Variants in SYCP2 observed in about 807,000 individuals in gnomAD.
SYCP2 encodes the protein synaptonemal complex protein 2.
SYCP2 carries 55 observed loss-of-function variants against 211.3 expected under a neutral mutation model. The ratio of observed to expected loss-of-function variants is 0.26; its 90% confidence interval spans 0.21 to 0.33. The LOEUF is 0.33. SYCP2 is among the 10% of genes least tolerant of loss of function. The probability of loss-of-function intolerance (pLI) is 1.00; values close to 1 mark genes in which losing one functional copy is unlikely to be tolerated. For synonymous variants in SYCP2, 570 were observed against 555.2 expected, an observed-to-expected ratio of 1.03 and a Z score of -0.37; for missense variants, 1,731 against 1,752.0, an observed-to-expected ratio of 0.99 and a Z score of 0.21.
At chr20:59,906,498 T>C (rs541526426) in intron 15 of SYCP2, among the ~76,000 whole-genome samples, 1 of 152,192 alleles carries the variant, frequency 6.6e-6, no homozygotes, top group Admixed American at 6.5e-5. Context: ...CATATCTATA[T>C]GAAAAAATGA....
intron 10 of SYCP2, among the ~76,000 whole-genome samples, chr20:59,914,758 G>C (rs1046605809): frequency 1.3e-5 from 2 of 151,708 alleles, no homozygotes; most frequent in Non-Finnish European, 3.0e-5. Flanking sequence ...AAGAATATTA[G>C]ACACCCTAAT....
chr20:59,922,535 A>G (rs2060561323), intron 2 of SYCP2, 76 bp from the exon 3 acceptor site: 10 of 625,316 alleles, frequency 1.6e-5, no homozygotes, highest in Middle Eastern at 3.7e-4. Flanking sequence ...TCTTACACAC[A>G]TAAATATGCA....
intron 32 of SYCP2, 96 bp from the exon 33 acceptor site, chr20:59,877,651 T>TA: frequency 2.0e-6 from 2 of 987,538 alleles, no homozygotes; most frequent in Non-Finnish European, 3.0e-6. Context: ...AAGTTTTACA[T>TA]AAAATATTTG....
intron 20 of SYCP2, among the ~76,000 whole-genome samples, 178 bp from the exon 21 acceptor site, chr20:59,893,771 ACAAG>A (rs1213777819): frequency 1.2e-4 from 18 of 152,148 alleles, no homozygotes; most frequent in Middle Eastern, 3.4e-3. Flanking sequence ...ATCCTGAAAC[ACAAG>A]AAGAAAACTG....
At chr20:59,919,407 T>C in intron 6 of SYCP2, 86 bp downstream of exon 6, 2 of 1,034,072 alleles carry the variant, frequency 1.9e-6, no homozygotes, top group South Asian at 2.7e-5. Flanking sequence ...GTTAGTGACT[T>C]TTAGGCTCAG....
At chr20:59,924,623 T>G (rs925488919) in intron 2 of SYCP2, among the ~76,000 whole-genome samples, 2 of 151,948 alleles carry the variant, frequency 1.3e-5, no homozygotes, top group African/African-American at 4.8e-5. Context: ...AAGAAAAAAG[T>G]TGGATTGTCG....
chr20:59,865,576 G>T lies in SYCP2; in HGVS notation c.4455C>A (p.Ser1485=). 1.3e-6 allele frequency: 2 copies of T among 1,598,240 alleles called. No individual in the cohort carries two copies. The highest frequency in any genetic ancestry group is 1.1e-5 in the South Asian group (1 of 88,144). Residue 1485 remains serine (S), a synonymous_variant, in exon 43 of 45, where the codon TCC becomes TCA. Coordinates refer to ENST00000357552, the MANE Select transcript of SYCP2 (RefSeq NM_014258.4). ...NTDSEETVFT[S]EMCLMKEDMK... ...ATAAAAAGCATAAAATTTATACCTCGGATGTAAAAACAGTTTCTTCACTAT... is the reference window on the plus strand; with the variant it reads ...ATAAAAAGCATAAAATTTATACCTCTGATGTAAAAACAGTTTCTTCACTAT...
intron 20 of SYCP2, among the ~76,000 whole-genome samples, chr20:59,894,447 A>G (rs2059969018): frequency 6.6e-6 from 1 of 151,996 alleles, no homozygotes; most frequent in Admixed American, 6.6e-5. Flanking sequence ...TTTTCTTTTA[A>G]TATCTTCAAC....
intron 21 of SYCP2, among the ~76,000 whole-genome samples, 158 bp downstream of exon 21, chr20:59,893,366 A>G (rs928328486): frequency 6.6e-6 from 1 of 151,888 alleles, no homozygotes; most frequent in African/African-American, 2.4e-5. Context: ...AAGGTGGTAT[A>G]TTTCCTTGTA....
chr20:59,920,454 C>G lies in SYCP2; in HGVS notation c.202G>C (p.Ala68Pro). Residue 68 changes from alanine (A) to proline (P), a missense_variant, in exon 5 of 45, where the codon GCC (alanine) becomes CCC (proline). Ala to Pro is a conservative substitution (Grantham distance 27). Around this residue, in one of 3 missense-constraint regions of SYCP2, gnomAD observed 335 missense variants for 378.8 expected, o/e 0.88. Transcript: ENST00000357552. ...CATCTTCCAACAGAAACCAAAATGG[C>G]TGAAACATTGTGGATATCCTCTTTA... Reference protein sequence around the residue: ...LNKEDIHNVSAILVSVGRCGK... With the variant: ...LNKEDIHNVSPILVSVGRCGK... 6.2e-7 allele frequency: 1 copy of G among 1,606,886 alleles called. No homozygotes were observed. The highest frequency in any genetic ancestry group is 8.5e-7 in the Non-Finnish European group (1 of 1,175,272).
intron 14 of SYCP2, among the ~76,000 whole-genome samples, chr20:59,910,809 C>T (rs533731400): frequency 2.0e-5 from 3 of 151,130 alleles, no homozygotes; most frequent in Non-Finnish European, 4.4e-5. Context: ...AGTAGCTCCT[C>T]GAAAAAAAAT....
chr20:59,931,792 TACACACAC>T (rs145920091), intron 2 of SYCP2, among the ~76,000 whole-genome samples: 2 of 151,030 alleles, frequency 1.3e-5, no homozygotes, highest in African/African-American at 4.9e-5. Context: ...ATAATCAGGT[TACACACAC>T]ACACACACGC....
At chr20:59,887,425 CTT>C (rs2059813672) in intron 24 of SYCP2, among the ~76,000 whole-genome samples, 1 of 152,134 alleles carries the variant, frequency 6.6e-6, no homozygotes, top group South Asian at 2.1e-4. Flanking sequence ...GGTTCCAAGT[CTT>C]TGCTATCGTG....
Position 59,892,058 on chromosome 20 carries a change from T to G in SYCP2, c.2296A>C (p.Ser766Arg). 6.2e-7 allele frequency: 1 copy of G among 1,611,424 alleles called. No homozygotes were observed. Among genetic ancestry groups the G allele is most frequent in the East Asian group, 2.2e-5 (1 of 44,798 alleles). Residue 766 changes from serine (S) to arginine (R), a missense_variant, in exon 24 of 45, where the codon AGT becomes CGT. By Grantham distance (110) the Ser-to-Arg change is moderately radical. This residue lies in a region of SYCP2 where 1,387 missense variants were observed against 1,351.3 expected (regional missense o/e 1.03). Transcript: ENST00000357552. ...KNPSASKNVQ[S>R]HRKAEKELTS... is the part of the protein sequence containing the mutation. ...AATTCTTTCTCTGCTTTTCTATGACTTTGCACATTTTTGCTAGCAGATGGA... is the reference window on the plus strand; with the variant it reads ...AATTCTTTCTCTGCTTTTCTATGACGTTGCACATTTTTGCTAGCAGATGGA...
intron 43 of SYCP2, 37 bp from the exon 44 acceptor site, chr20:59,865,481 A>C: frequency 1.3e-6 from 2 of 1,593,652 alleles, no homozygotes; most frequent in Non-Finnish European, 1.7e-6. Flanking sequence ...CATGAAATTT[A>C]CCATAAAGTT....
chr20:59,882,250 C>T, intron 26 of SYCP2, 85 bp from the exon 27 acceptor site: 2 of 989,908 alleles, frequency 2.0e-6, no homozygotes, highest in Non-Finnish European at 3.1e-6. Flanking sequence ...AAATGCAAAT[C>T]AAAAAATGAG....
chr20:59,906,552 GATT>G (rs1181081943), intron 15 of SYCP2, among the ~76,000 whole-genome samples: 1 of 152,070 alleles, frequency 6.6e-6, no homozygotes, highest in Admixed American at 6.5e-5. Flanking sequence ...ATTAATTTGA[GATT>G]ATAATACTCC....
Position 59,921,357 on chromosome 20 carries a change from T to C in SYCP2, c.121A>G (p.Lys41Glu). 6.2e-7 allele frequency: 1 copy of C among 1,607,702 alleles called. No individual in the cohort carries two copies. Among genetic ancestry groups the C allele is most frequent in the South Asian group, 1.1e-5 (1 of 90,408 alleles). ...QIDICEDVKI[K>E]CSKQFFHKVD... ...TTGTGGAAAAACTGTTTGCTGCATT[T>C]AATCTTCACATCTTCACAAATATCA... The change falls in exon 4 of 45, where the codon AAA (lysine) becomes GAA (glutamate). Residue 41 changes from lysine (K) to glutamate (E), a missense_variant. By Grantham distance (56) the Lys-to-Glu change is moderately conservative. This residue lies in a region of SYCP2 where 335 missense variants were observed against 378.8 expected (regional missense o/e 0.88). Coordinates refer to ENST00000357552, the MANE Select transcript of SYCP2 (RefSeq NM_014258.4).
At chr20:59,886,857 T>C (rs2059798985) in intron 24 of SYCP2, 23 bp from the exon 25 acceptor site, 2 of 1,540,288 alleles carry the variant, frequency 1.3e-6, no homozygotes, top group Non-Finnish European at 1.7e-6. Flanking sequence ...GTAAGTTACT[T>C]TTAAACTCTA....
Sources: allele counts gnomAD v4.1 joint callset (sites outside exome capture counted in the v4.1 genomes callset), GRCh38; gene constraint gnomAD v4.1.1; regional missense constraint gnomAD v4.1.1; transcripts MANE v1.5; gene names NCBI Gene and HGNC (gene_info 2026-07-23, HGNC 2026-07-21).